SORCS3: variants seen among roughly 807,000 people sequenced by gnomAD.
SORCS3 encodes the protein sortilin related VPS10 domain containing receptor 3, also known as VPS10 domain-containing receptor SorCS3.
A neutral mutation model predicts 146.3 loss-of-function variants in SORCS3; 57 were observed. The ratio of observed to expected loss-of-function variants is 0.39; its 90% CI spans 0.31 to 0.49. SORCS3 has a LOEUF of 0.49. Among genes scored for constraint, SORCS3 ranks in the 20% least tolerant of loss-of-function variants. SORCS3 has a pLI of 0.92. For synonymous variants in SORCS3, 653 were observed against 618.5 expected (o/e 1.06, Z -0.83); for missense variants, 1,341 against 1,575.5 (o/e 0.85, Z 2.52).
At chr10:105,102,090 G>T (rs1320003724) in intron 6 of SORCS3, among the ~76,000 whole-genome samples, 1 of 152,152 alleles carries the variant, frequency 6.6e-6, no homozygotes, top group Non-Finnish European at 1.5e-5. Context: ...GGGCATACAG[G>T]CTGTCCTTAA....
intron 5 of SORCS3, among the ~76,000 whole-genome samples, chr10:105,049,057 A>G (rs1426548094): frequency 2.0e-5 from 3 of 152,128 alleles, no homozygotes; most frequent in Non-Finnish European, 4.4e-5. Context: ...GGTCTTTAAC[A>G]TCAAGAATTA....
In SORCS3 at chr10:105,263,517, C is replaced by T; in HGVS notation, c.*143C>T. The T allele has an allele frequency of 2.8e-6, 2 of 725,266 alleles. No individual in the cohort carries two copies. The highest frequency in any genetic ancestry group is 4.6e-6 in the Non-Finnish European group (2 of 437,804). 44.9% of individuals were successfully genotyped at this position (725,266 alleles called of 1,614,324 possible). On this transcript the variant is annotated 3_prime_UTR_variant, in exon 27 of 27. Coordinates refer to ENST00000369701, the MANE Select transcript of SORCS3 (RefSeq NM_014978.3). ...TCATAAATAGCAGGCAAATGCCTAG[C>T]TTTGGGAGAAAAGGGCATTCTTAGC... is the stretch of plus-strand genomic sequence containing the variant.
chr10:105,142,020 C>T (rs1316051804), intron 8 of SORCS3, among the ~76,000 whole-genome samples: 1 of 152,176 alleles, frequency 6.6e-6, no homozygotes. Flanking sequence ...TACTGAGGCT[C>T]TTAACCTGTC....
At chr10:105,061,970 T>C (rs1191399131) in intron 5 of SORCS3, among the ~76,000 whole-genome samples, 1 of 152,184 alleles carries the variant, frequency 6.6e-6, no homozygotes, top group East Asian at 1.9e-4. Context: ...CTGAGAGCCA[T>C]GAGCCACCCA....
chr10:105,129,331 C>CTTTTTTTTTTTT (rs71022753), intron 7 of SORCS3, among the ~76,000 whole-genome samples: 1 of 104,634 alleles, frequency 9.6e-6, no homozygotes, highest in African/African-American at 3.9e-5. Context: ...CTTTCTTTCT[C>CTTTTTTTTTTTT]TTTTTTTTTT....
intron 1 of SORCS3, among the ~76,000 whole-genome samples, chr10:104,724,891 A>T (rs553287708): frequency 6.6e-6 from 1 of 152,158 alleles, no homozygotes; most frequent in African/African-American, 2.4e-5. Context: ...TTTTTTTTCA[A>T]GGTATTTAAC....
At chr10:104,847,663 A>G (rs1157028850) in intron 2 of SORCS3, among the ~76,000 whole-genome samples, 1 of 152,174 alleles carries the variant, frequency 6.6e-6, no homozygotes, top group Non-Finnish European at 1.5e-5. Flanking sequence ...ATGAATTTGC[A>G]GTTGTCTAGG....
At chr10:105,228,201 A>T (rs1226134105) in intron 20 of SORCS3, among the ~76,000 whole-genome samples, 4 of 151,144 alleles carry the variant, frequency 2.6e-5, no homozygotes, top group Non-Finnish European at 5.9e-5. Flanking sequence ...ATTGTTTATC[A>T]TAGTGGTTTT....
chr10:105,193,213 C>T (rs569241238), intron 14 of SORCS3, among the ~76,000 whole-genome samples: 2 of 152,286 alleles, frequency 1.3e-5, no homozygotes, highest in Admixed American at 1.3e-4. Context: ...AATCCTAGCA[C>T]AGTCCAGGGT....
At chr10:104,695,301 T>C (rs997568277) in intron 1 of SORCS3, among the ~76,000 whole-genome samples, 27 of 151,998 alleles carry the variant, frequency 1.8e-4, no homozygotes, top group Non-Finnish European at 3.1e-4. Context: ...GGGAGGGGTG[T>C]GTGTGTGTCC....
chr10:104,912,057 C>T (rs531652881), intron 2 of SORCS3, among the ~76,000 whole-genome samples: 61 of 152,282 alleles, frequency 4.0e-4, no homozygotes, highest in African/African-American at 1.4e-3. Context: ...TGGAGTTGAG[C>T]CCTGTCTTTC....
chr10:105,116,429 GC>G (rs2055893880), intron 7 of SORCS3, among the ~76,000 whole-genome samples: 2 of 152,208 alleles, frequency 1.3e-5, no homozygotes, highest in Admixed American at 1.3e-4. Context: ...GTGGATCAGT[GC>G]TGGTGGGAAT....
At chr10:105,194,806 G>A (rs1203039623) in intron 14 of SORCS3, among the ~76,000 whole-genome samples, 1 of 152,118 alleles carries the variant, frequency 6.6e-6, no homozygotes, top group Non-Finnish European at 1.5e-5. Flanking sequence ...TGGGTAAGTT[G>A]TTCTCAAAAT....
intron 5 of SORCS3, among the ~76,000 whole-genome samples, chr10:105,068,254 C>T (rs958942327): frequency 6.6e-6 from 1 of 152,124 alleles, no homozygotes; most frequent in African/African-American, 2.4e-5. Context: ...TTAACAATAT[C>T]GCTATCCATC....
At chr10:104,949,850 A>G (rs1402812225) in intron 3 of SORCS3, among the ~76,000 whole-genome samples, 1 of 152,262 alleles carries the variant, frequency 6.6e-6, no homozygotes, top group Non-Finnish European at 1.5e-5. Flanking sequence ...GCAGATTATT[A>G]GCCACTTGGC....
At chr10:104,660,832 C>T (rs1175584131) in intron 1 of SORCS3, among the ~76,000 whole-genome samples, 1 of 152,176 alleles carries the variant, frequency 6.6e-6, no homozygotes, top group African/African-American at 2.4e-5. Flanking sequence ...CTGTCTGACT[C>T]ATGCCTGAGC....
intron 22 of SORCS3, 124 bp from the exon 23 acceptor site, chr10:105,252,651 G>C: frequency 8.5e-7 from 1 of 1,169,606 alleles, no homozygotes; most frequent in Non-Finnish European, 1.2e-6. Flanking sequence ...ATTGGAGCCT[G>C]TGCCTAAAAA....
At chr10:104,988,544 C>T (rs2054975229) in intron 4 of SORCS3, among the ~76,000 whole-genome samples, 1 of 152,050 alleles carries the variant, frequency 6.6e-6, no homozygotes, top group African/African-American at 2.4e-5. Context: ...GTTCGCTTTT[C>T]CCATTAATTT....
In SORCS3 at chr10:104,929,580, T is replaced by C. The variant is rs1381256295; in HGVS notation, c.795+13648T>C. ...CAGGTGCATCCCAACACTGAGTTGG[T>C]CCCAAAGGTTCCAAGCCCTAGACAG... On this transcript the variant is annotated intron_variant, in intron 3 of 26. Transcript: ENST00000369701. Among the ~76,000 whole-genome samples, 8 of 152,308 alleles carry C rather than the reference T, an allele frequency of 5.3e-5. 1 individual carries two copies. The highest frequency in any genetic ancestry group is 5.2e-4 in the Admixed American group (8 of 15,296).
Sources: gnomAD v4.1 joint callset for allele counts (sites outside exome capture counted in the v4.1 genomes callset) on GRCh38, gnomAD v4.1.1 for gene constraint, MANE v1.5 for transcripts, NCBI Gene and HGNC (gene_info 2026-07-23, HGNC 2026-07-21) for gene names.